DSCAM: variants seen among roughly 807,000 people sequenced by gnomAD.
DSCAM encodes the protein DS cell adhesion molecule, also known as cell adhesion molecule DSCAM.
A neutral mutation model predicts 217.7 loss-of-function variants in DSCAM; 47 were observed. That is an observed-to-expected ratio of 0.22 (90% CI 0.17 to 0.28). The LOEUF (loss-of-function observed/expected upper bound fraction) is 0.28. Ranked by LOEUF, DSCAM falls within the 10% of genes least tolerant of loss-of-function variation. The probability of loss-of-function intolerance (pLI) is 1.00; values close to 1 mark genes in which losing one functional copy is unlikely to be tolerated. For missense variants in DSCAM, 2,080 were observed against 2,618.3 expected (o/e 0.79, Z 4.49); for synonymous variants, 1,056 against 1,015.3 (o/e 1.04, Z -0.76).
At chr21:40,614,045 G>C (rs1220736167) in intron 3 of DSCAM, among the ~76,000 whole-genome samples, 1 of 152,170 alleles carries the variant, frequency 6.6e-6, no homozygotes, top group Admixed American at 6.5e-5. Flanking sequence ...CCTGTGAGAT[G>C]CACAGATAAT....
intron 11 of DSCAM, among the ~76,000 whole-genome samples, chr21:40,213,155 T>C (rs2146885040): frequency 6.6e-6 from 1 of 152,380 alleles, no homozygotes. Flanking sequence ...ATTTGAACAG[T>C]ATAGAAAAAT....
intron 11 of DSCAM, among the ~76,000 whole-genome samples, chr21:40,223,630 G>T (rs77346510): frequency 0.014 from 2,186 of 152,142 alleles, 28 homozygotes; most frequent in South Asian, 0.024. Flanking sequence ...TATCTAAATA[G>T]ATTTTTTTGT....
Position 40,791,578 on chromosome 21 carries a change from A to G in DSCAM, c.43+55041T>C, listed in dbSNP as rs182838073. On this transcript the variant is annotated intron_variant, in intron 1 of 32. Coordinates refer to ENST00000400454, the MANE Select transcript of DSCAM (RefSeq NM_001389.5). ...GCTGAGGCGGGAATGGCGTGAACCC[A>G]GGAGGTGGAGCTTGCAGTGAGCCGA... Among the ~76,000 whole-genome samples, 769 of 152,282 alleles carry G rather than the reference A, an allele frequency of 5.0e-3. 9 individuals are homozygous for G. Among genetic ancestry groups the G allele is most frequent in the African/African-American group, 0.017 (701 of 41,568 alleles).
intron 3 of DSCAM, among the ~76,000 whole-genome samples, chr21:40,430,001 G>C (rs1045366994): frequency 6.6e-6 from 1 of 152,196 alleles, no homozygotes; most frequent in Non-Finnish European, 1.5e-5. Context: ...TTAAGACCTT[G>C]TGTAAAATAC....
intron 3 of DSCAM, among the ~76,000 whole-genome samples, chr21:40,419,209 C>G (rs1170937330): frequency 6.6e-6 from 1 of 151,022 alleles, no homozygotes; most frequent in Non-Finnish European, 1.5e-5. Context: ...TCTCCATCTC[C>G]TGACCTCATA....
chr21:40,130,798 C>T (rs2090147321), intron 19 of DSCAM, among the ~76,000 whole-genome samples: 1 of 152,144 alleles, frequency 6.6e-6, no homozygotes, highest in Non-Finnish European at 1.5e-5. Flanking sequence ...ATTTCTATTG[C>T]AAATAATCCC....
chr21:40,473,366 C>A (rs532212976), intron 3 of DSCAM, among the ~76,000 whole-genome samples: 1 of 152,174 alleles, frequency 6.6e-6, no homozygotes, highest in Non-Finnish European at 1.5e-5. Context: ...TGGGAATCCA[C>A]CAGTGACATA....
At chr21:40,594,647 G>A (rs1020631975) in intron 3 of DSCAM, among the ~76,000 whole-genome samples, 3 of 152,190 alleles carry the variant, frequency 2.0e-5, no homozygotes, top group Non-Finnish European at 4.4e-5. Flanking sequence ...CTGGAGCACA[G>A]TTAGGTGTGA....
At chr21:40,296,312 A>C in intron 9 of DSCAM, 138 bp from the exon 10 acceptor site, 1 of 1,079,944 alleles carries the variant, frequency 9.3e-7, no homozygotes, top group Non-Finnish European at 1.3e-6. Context: ...TAAAAACACT[A>C]TTGGCAGTTT....
rs958167486 is a variant in DSCAM at position 40,042,552 on chromosome 21, C to T, written c.5505G>A (p.Thr1835=). Residue 1835 remains threonine, a synonymous_variant, in exon 32 of 33, where the codon ACG becomes ACA. Transcript: ENST00000400454. The part of the protein sequence containing the change: ...EQLRHAKFTI[T]ECFISDTSSE... ...ATGACGTGTCTGATATGAAGCACTC[C>T]GTGATGGTGAACTTGGCGTGCCTCA... 18 of 1,614,038 alleles carry T rather than the reference C, an allele frequency of 1.1e-5. No homozygotes were observed. Among genetic ancestry groups the T allele is most frequent in the African/African-American group, 2.7e-5 (2 of 74,918 alleles).
At chr21:40,072,526 T>G (rs1199576428) in intron 27 of DSCAM, among the ~76,000 whole-genome samples, 1 of 151,942 alleles carries the variant, frequency 6.6e-6, no homozygotes, top group Admixed American at 6.6e-5. Flanking sequence ...TTTTTTGTAT[T>G]TTTAGTAGAG....
At chr21:40,525,504 C>T (rs910501437) in intron 3 of DSCAM, among the ~76,000 whole-genome samples, 4 of 152,196 alleles carry the variant, frequency 2.6e-5, no homozygotes, top group Admixed American at 2.0e-4. Context: ...AACAAACATT[C>T]TTTAAGTGAG....
At chr21:40,345,349 G>C (rs748997476) in intron 6 of DSCAM, among the ~76,000 whole-genome samples, 2 of 151,986 alleles carry the variant, frequency 1.3e-5, no homozygotes, top group African/African-American at 4.8e-5. Flanking sequence ...TTGGAGTTCA[G>C]ATGTGTCCTC....
chr21:40,042,558 G>A lies in DSCAM; in HGVS notation c.5499C>T (p.Thr1833=), dbSNP rs375445425. Reference sequence around the variant, plus strand: ...TGTCTGATATGAAGCACTCCGTGATGGTGAACTTGGCGTGCCTCAGTTGCT... The same window carrying A: ...TGTCTGATATGAAGCACTCCGTGATAGTGAACTTGGCGTGCCTCAGTTGCT... ...MEEQLRHAKF[T]ITECFISDTS... The change falls in exon 32 of 33, where the codon ACC becomes ACT. Residue 1833 remains threonine, a synonymous_variant. Transcript: ENST00000400454. 2.2e-5 allele frequency: 35 copies of A among 1,614,038 alleles called. No homozygotes were observed. The highest frequency in any genetic ancestry group is 1.4e-4 in the South Asian group (13 of 91,092).
intron 3 of DSCAM, among the ~76,000 whole-genome samples, chr21:40,661,298 G>T (rs1021542596): frequency 6.6e-6 from 1 of 152,106 alleles, no homozygotes; most frequent in African/African-American, 2.4e-5. Flanking sequence ...TCTAACACTC[G>T]TATTCATAAA....
At chr21:40,759,578 T>C (rs753622311) in intron 1 of DSCAM, among the ~76,000 whole-genome samples, 13 of 152,178 alleles carry the variant, frequency 8.5e-5, no homozygotes, top group Non-Finnish European at 1.8e-4. Context: ...AGGCTAATTA[T>C]GCACATCAAT....
chr21:40,530,544 G>T (rs936378454), intron 3 of DSCAM, among the ~76,000 whole-genome samples: 2 of 152,128 alleles, frequency 1.3e-5, no homozygotes, highest in Admixed American at 6.5e-5. Flanking sequence ...AGACTCAAGT[G>T]CTTGGCTAAT....
intron 8 of DSCAM, among the ~76,000 whole-genome samples, chr21:40,315,425 A>G (rs914130332): frequency 2.0e-5 from 3 of 151,930 alleles, no homozygotes; most frequent in Non-Finnish European, 4.4e-5. Flanking sequence ...AGGAAAACAT[A>G]GAGTGTAGGT....
chr21:40,039,008 G>T (rs2088687086), intron 32 of DSCAM, among the ~76,000 whole-genome samples: 1 of 128,956 alleles, frequency 7.8e-6, no homozygotes, highest in African/African-American at 2.9e-5. Context: ...CACACTCTGG[G>T]GACTGTAGTG....
Sources: allele counts gnomAD v4.1 joint callset (sites outside exome capture counted in the v4.1 genomes callset), GRCh38; gene constraint gnomAD v4.1.1; transcripts MANE v1.5; gene names NCBI Gene and HGNC (gene_info 2026-07-23, HGNC 2026-07-21).